Variants in SCNN1B observed in about 807,000 individuals in gnomAD.
The protein encoded by SCNN1B is sodium channel epithelial 1 subunit beta, also known as epithelial sodium channel subunit beta.
In SCNN1B, 46 loss-of-function variants were observed where a neutral mutation model predicts 65.3. The ratio of observed to expected loss-of-function variants is 0.70; its 90% CI spans 0.56 to 0.90. The LOEUF (loss-of-function observed/expected upper bound fraction) is 0.90. SCNN1B is among the 40% of genes least tolerant of loss of function. SCNN1B has a pLI of 0.00. For synonymous variants in SCNN1B, 349 were observed against 330.6 expected (o/e 1.06, Z -0.60); for missense variants, 751 against 830.5 (o/e 0.90, Z 1.18).
intron 1 of SCNN1B, among the ~76,000 whole-genome samples, chr16:23,306,072 A>C (rs1746992164): frequency 6.6e-6 from 1 of 152,100 alleles, no homozygotes; most frequent in African/African-American, 2.4e-5. Context: ...GTGAAGCTCC[A>C]TCTCTAGTAA....
At position 23,378,751 on chromosome 16, in the gene SCNN1B, A is replaced by G; in HGVS notation, c.1450A>G (p.Asn484Asp). The G allele has an allele frequency of 6.2e-7, 1 of 1,614,098 alleles. No individual in the cohort carries two copies. ...VLSQERDQST[N>D]ITLSRKGIVK... is the part of the protein sequence containing the mutation. ...GTCTCAGGAGCGGGACCAAAGCACC[A>G]ATATCACCCTGAGCAGGTGAGCCTG... is the stretch of plus-strand genomic sequence containing the variant. The change falls in exon 11 of 13, where the codon AAT becomes GAT. Residue 484 changes from asparagine to aspartate, a missense_variant. By Grantham distance (23) the Asn-to-Asp change is conservative. Transcript: ENST00000343070.
chr16:23,339,847 G>A (rs972485409), intron 1 of SCNN1B, among the ~76,000 whole-genome samples: 13 of 152,052 alleles, frequency 8.5e-5, no homozygotes, highest in Admixed American at 7.2e-4. Context: ...GATTACAGGT[G>A]TGAGCCACCG....
chr16:23,356,450 C>A lies in SCNN1B; in HGVS notation c.776+961C>A, dbSNP rs370898155. Among the ~76,000 whole-genome samples, 278 of 151,818 alleles carry A rather than the reference C, an allele frequency of 1.8e-3. 1 individual carries two copies. The highest frequency in any genetic ancestry group is 6.4e-3 in the African/African-American group (266 of 41,418). On this transcript the variant is annotated intron_variant, in intron 4 of 12. Coordinates refer to ENST00000343070, the MANE Select transcript of SCNN1B (RefSeq NM_000336.3). Reference sequence around the variant, plus strand: ...GACCAGCCTGAGCAACATAGCGAGACCTCATCTCTACAAAAAATCAAAAAC... The same window carrying A: ...GACCAGCCTGAGCAACATAGCGAGAACTCATCTCTACAAAAAATCAAAAAC...
chr16:23,352,777 C>A, intron 2 of SCNN1B, 24 bp from the exon 3 acceptor site: 1 of 1,613,958 alleles, frequency 6.2e-7, no homozygotes. Flanking sequence ...TTCCTTCCCC[C>A]TAACCAGCCC....
At chr16:23,377,299 G>T (rs1381382141) in intron 9 of SCNN1B, 30 bp from the exon 10 acceptor site, 1 of 1,614,146 alleles carries the variant, frequency 6.2e-7, no homozygotes, top group East Asian at 2.2e-5. Flanking sequence ...CACTGGCAGG[G>T]ACCACAACAG....
chr16:23,340,644 C>T (rs1382163899), intron 1 of SCNN1B, among the ~76,000 whole-genome samples: 10 of 152,164 alleles, frequency 6.6e-5, no homozygotes, highest in African/African-American at 2.4e-4. Context: ...GATCCCAGTA[C>T]TTTATTGGCC....
At chr16:23,343,505 AGGAAAAGG>A (rs1962100964) in intron 1 of SCNN1B, among the ~76,000 whole-genome samples, 1 of 86,966 alleles carries the variant, frequency 1.1e-5, no homozygotes, top group South Asian at 4.6e-4. Flanking sequence ...GAAGGAAGGA[AGGAAAAGG>A]AAGGAAGGAA....
chr16:23,330,537 G>A (rs903890355), intron 1 of SCNN1B, among the ~76,000 whole-genome samples: 5 of 152,148 alleles, frequency 3.3e-5, no homozygotes, highest in African/African-American at 9.7e-5. Flanking sequence ...GATGTGTGCT[G>A]TACTGAGCTC....
intron 1 of SCNN1B, among the ~76,000 whole-genome samples, chr16:23,314,373 T>C (rs923510006): frequency 6.6e-6 from 1 of 152,170 alleles, no homozygotes; most frequent in African/African-American, 2.4e-5. Flanking sequence ...AACTGAGCTC[T>C]CTCACTGCAG....
intron 4 of SCNN1B, among the ~76,000 whole-genome samples, chr16:23,362,855 C>T (rs1962580190): frequency 6.6e-6 from 1 of 152,180 alleles, no homozygotes; most frequent in Admixed American, 6.5e-5. Context: ...AGCTGGTTTG[C>T]TCTGCTCTGT....
chr16:23,318,207 C>T (rs984313606), intron 1 of SCNN1B, among the ~76,000 whole-genome samples: 1 of 152,162 alleles, frequency 6.6e-6, no homozygotes, highest in African/African-American at 2.4e-5. Flanking sequence ...GACTCTGGAG[C>T]AAACAGACAC....
intron 1 of SCNN1B, among the ~76,000 whole-genome samples, chr16:23,305,907 C>T (rs1053853032): frequency 6.6e-6 from 1 of 152,036 alleles, no homozygotes; most frequent in Non-Finnish European, 1.5e-5. Context: ...ACACCACGGA[C>T]TCCACAGCCA....
At chr16:23,353,466 C>T (rs1376652133) in intron 3 of SCNN1B, among the ~76,000 whole-genome samples, 1 of 152,112 alleles carries the variant, frequency 6.6e-6, no homozygotes, top group Non-Finnish European at 1.5e-5. Flanking sequence ...GGAGGGATCC[C>T]CTCAGTGCCC....
At position 23,320,464 on chromosome 16, in the gene SCNN1B, AC is replaced by A. The variant is rs568284659; in HGVS notation, c.-9+18028del. 8.8e-4 allele frequency among the ~76,000 whole-genome samples: 133 copies of A among 151,998 alleles called. 4 individuals are homozygous for A. The South Asian group carries it at 0.027, about 31-fold the overall frequency. ...GGATTTTTACTGTGTCTGAGGCCAGACTCCTTGACACCCAGTTCTCACTGAG... is the reference window on the plus strand; with the variant it reads ...GGATTTTTACTGTGTCTGAGGCCAGATCCTTGACACCCAGTTCTCACTGAG... On this transcript the variant is annotated intron_variant, in intron 1 of 12. Coordinates refer to ENST00000343070, the MANE Select transcript of SCNN1B (RefSeq NM_000336.3).
intron 10 of SCNN1B, among the ~76,000 whole-genome samples, chr16:23,378,296 C>T (rs1252394640): frequency 6.6e-6 from 1 of 152,234 alleles, no homozygotes; most frequent in Non-Finnish European, 1.5e-5. Context: ...AGGCATGAGC[C>T]ACCATGCCCA....
At chr16:23,339,073 G>A (rs1361649146) in intron 1 of SCNN1B, among the ~76,000 whole-genome samples, 1 of 152,120 alleles carries the variant, frequency 6.6e-6, no homozygotes, top group Non-Finnish European at 1.5e-5. Context: ...TCTGCTTTCT[G>A]TCACAATAGA....
intron 1 of SCNN1B, among the ~76,000 whole-genome samples, chr16:23,326,818 A>G (rs575893057): frequency 6.6e-6 from 1 of 152,102 alleles, no homozygotes; most frequent in Non-Finnish European, 1.5e-5. Flanking sequence ...GTTTTGCTAC[A>G]TGGATATACT....
intron 2 of SCNN1B, among the ~76,000 whole-genome samples, chr16:23,286,211 A>G (rs2141968387): frequency 6.6e-6 from 1 of 152,354 alleles, no homozygotes; most frequent in East Asian, 1.9e-4. Flanking sequence ...ATGCCTGCTC[A>G]CAAATGTCAA....
chr16:23,342,833 G>A (rs1468125177), intron 1 of SCNN1B, among the ~76,000 whole-genome samples: 2 of 152,126 alleles, frequency 1.3e-5, no homozygotes, highest in Non-Finnish European at 2.9e-5. Flanking sequence ...ATAGATAAGT[G>A]GTTTCTGATG....
Sources: gnomAD v4.1 joint callset for allele counts (sites outside exome capture counted in the v4.1 genomes callset) on GRCh38, gnomAD v4.1.1 for gene constraint, MANE v1.5 for transcripts, NCBI Gene and HGNC (gene_info 2026-07-23, HGNC 2026-07-21) for gene names.